Variants in SPAG16 observed in about 807,000 individuals in gnomAD.
SPAG16 encodes sperm associated antigen 16, also known as sperm-associated antigen 16 protein.
A neutral mutation model predicts 80.4 loss-of-function variants in SPAG16; 86 were observed. The ratio of observed to expected loss-of-function variants is 1.07; its 90% CI spans 0.90 to 1.28. SPAG16 has a LOEUF of 1.28. Among genes scored for constraint, SPAG16 ranks in the 50% most tolerant of loss-of-function variants. The pLI, the probability that SPAG16 is intolerant of heterozygous loss-of-function variation, is 0.00. For missense variants in SPAG16, 870 were observed against 765.3 expected (o/e 1.14, Z -1.61); for synonymous variants, 294 against 265.9 (o/e 1.11, Z -1.03).
chr2:214,051,474 C>T (rs554254411), intron 13 of SPAG16, among the ~76,000 whole-genome samples: 45 of 152,128 alleles, frequency 3.0e-4, no homozygotes, highest in Non-Finnish European at 5.6e-4. Flanking sequence ...ATCTCATTGG[C>T]TTTTTGATTT....
intron 9 of SPAG16, among the ~76,000 whole-genome samples, chr2:213,447,160 C>G (rs1180838997): frequency 6.6e-6 from 1 of 152,208 alleles, no homozygotes; most frequent in Non-Finnish European, 1.5e-5. Context: ...AAAACAATTG[C>G]TCCTCTGGTG....
intron 12 of SPAG16, among the ~76,000 whole-genome samples, chr2:213,987,523 T>A (rs994101590): frequency 1.4e-4 from 22 of 152,070 alleles, no homozygotes; most frequent in Admixed American, 1.1e-3. Flanking sequence ...TTCAGCTCCC[T>A]AAATACTCAT....
At chr2:213,944,451 C>T (rs758360642) in intron 12 of SPAG16, among the ~76,000 whole-genome samples, 50 of 152,198 alleles carry the variant, frequency 3.3e-4, no homozygotes, top group Non-Finnish European at 1.0e-4. Context: ...CTATGCCTAT[C>T]CCATCACTTT....
rs373653393 is a variant in SPAG16, at chr2:213,284,612, C to T, written c.129C>T (p.Tyr43=). ...ADAVAAEGAY[Y]LEQVTITEAS... is the part of the protein sequence containing the mutation. ...CGGTGGCGGCTGAGGGCGCCTACTA[C>T]CTGGAACGTATCCTTCCCGTGGAGG... The change falls in exon 1 of 16, where the codon TAC becomes TAT. Residue 43 remains tyrosine, a synonymous_variant. Transcript: ENST00000331683. 1.8e-5 allele frequency: 29 copies of T among 1,609,398 alleles called. No individual in the cohort carries two copies. The highest frequency in any genetic ancestry group is 2.2e-5 in the South Asian group (2 of 90,606).
At chr2:213,418,380 T>G (rs2069392125) in intron 9 of SPAG16, among the ~76,000 whole-genome samples, 1 of 152,162 alleles carries the variant, frequency 6.6e-6, no homozygotes, top group Non-Finnish European at 1.5e-5. Flanking sequence ...TGTTCCCAGG[T>G]CATTCTAGGA....
intron 15 of SPAG16, among the ~76,000 whole-genome samples, chr2:214,375,087 A>T (rs535589761): frequency 8.5e-5 from 13 of 152,258 alleles, no homozygotes; most frequent in African/African-American, 2.9e-4. Flanking sequence ...TCTCACCTTA[A>T]TCAGCCACAG....
At chr2:213,808,652 G>A (rs2071924867) in intron 10 of SPAG16, among the ~76,000 whole-genome samples, 1 of 152,130 alleles carries the variant, frequency 6.6e-6, no homozygotes, top group Non-Finnish European at 1.5e-5. Flanking sequence ...AAGATTATGA[G>A]TAGGCCAAGT....
intron 10 of SPAG16, among the ~76,000 whole-genome samples, chr2:213,508,217 T>C (rs1257935450): frequency 6.6e-6 from 1 of 152,152 alleles, no homozygotes; most frequent in Non-Finnish European, 1.5e-5. Context: ...TGTCCAACAA[T>C]GATAGACTGG....
At chr2:213,722,689 A>G (rs2066584296) in intron 10 of SPAG16, among the ~76,000 whole-genome samples, 1 of 152,188 alleles carries the variant, frequency 6.6e-6, no homozygotes, top group Non-Finnish European at 1.5e-5. Flanking sequence ...TATAAAAAGT[A>G]AGATACAAGA....
chr2:213,760,692 A>G (rs960393014), intron 10 of SPAG16, among the ~76,000 whole-genome samples: 1 of 152,198 alleles, frequency 6.6e-6, no homozygotes, highest in African/African-American at 2.4e-5. Context: ...TATAGAAAGT[A>G]TCTTCTCTGA....
intron 9 of SPAG16, among the ~76,000 whole-genome samples, chr2:213,384,990 G>A (rs1011668632): frequency 6.6e-6 from 1 of 152,120 alleles, no homozygotes; most frequent in Non-Finnish European, 1.5e-5. Context: ...GCTTTCTCAG[G>A]AGTCTATAAT....
At chr2:213,979,064 A>G (rs184815153) in intron 12 of SPAG16, among the ~76,000 whole-genome samples, 67 of 152,140 alleles carry the variant, frequency 4.4e-4, no homozygotes, top group Admixed American at 9.8e-4. Context: ...TGAACATACC[A>G]TCACTTCTGA....
At chr2:213,325,861 A>T (rs1033482241) in intron 5 of SPAG16, among the ~76,000 whole-genome samples, 1 of 151,912 alleles carries the variant, frequency 6.6e-6, no homozygotes, top group Non-Finnish European at 1.5e-5. Flanking sequence ...TGTTCACTAT[A>T]CCCACGGGGC....
At chr2:213,959,686 C>A (rs1252677026) in intron 12 of SPAG16, among the ~76,000 whole-genome samples, 3 of 152,172 alleles carry the variant, frequency 2.0e-5, no homozygotes, top group African/African-American at 7.2e-5. Context: ...GGTTGAGCTC[C>A]CTGATGCCTT....
At chr2:213,375,224 G>A in intron 9 of SPAG16, 105 bp downstream of exon 9, 2 of 817,306 alleles carry the variant, frequency 2.4e-6, no homozygotes, top group Non-Finnish European at 3.8e-6. Context: ...GAATTTAGAG[G>A]TTATATATTC....
At position 213,643,946 on chromosome 2, in the gene SPAG16, A is replaced by G. The variant is rs2062723354; in HGVS notation, c.1070+153856A>G. ...CAGGCGCACACCACCATGCCTGGCT[A>G]ATTTTTGTATTTTTAGTAGAGATGG... On this transcript the variant is annotated intron_variant, in intron 10 of 15. Transcript: ENST00000331683. Among the ~76,000 whole-genome samples, 3 of 150,834 alleles carry G rather than the reference A, an allele frequency of 2.0e-5. No individual in the cohort carries two copies. The East Asian group carries it at 6.0e-4, about 30-fold the overall frequency.
At chr2:213,888,396 T>G (rs1050957177) in intron 11 of SPAG16, among the ~76,000 whole-genome samples, 2 of 151,998 alleles carry the variant, frequency 1.3e-5, no homozygotes, top group Admixed American at 6.6e-5. Flanking sequence ...CATTATTATC[T>G]CTTAAAAAAC....
At chr2:213,349,003 TCATA>T (rs1250737279) in intron 6 of SPAG16, among the ~76,000 whole-genome samples, 1 of 152,214 alleles carries the variant, frequency 6.6e-6, no homozygotes. Flanking sequence ...AGGATGGATG[TCATA>T]CATAGAATAT....
At chr2:214,055,110 A>G (rs765094095) in intron 13 of SPAG16, among the ~76,000 whole-genome samples, 11 of 152,162 alleles carry the variant, frequency 7.2e-5, no homozygotes, top group Non-Finnish European at 1.3e-4. Context: ...ATAAAATAAG[A>G]TATGTAAAAT....
Sources: gnomAD v4.1 joint callset for allele counts (sites outside exome capture counted in the v4.1 genomes callset) on GRCh38, gnomAD v4.1.1 for gene constraint, MANE v1.5 for transcripts, NCBI Gene and HGNC (gene_info 2026-07-23, HGNC 2026-07-21) for gene names.